The following THOC2 variants were observed in gnomAD, a reference collection of about 807,000 sequenced individuals.
THOC2 encodes the protein THO complex 2.
THOC2 carries 10 observed loss-of-function variants against 128.4 expected under a neutral mutation model. The ratio of observed to expected loss-of-function variants is 0.08; its 90% CI spans 0.05 to 0.13. The LOEUF (loss-of-function observed/expected upper bound fraction) is 0.13. Ranked by LOEUF, THOC2 falls within the 10% of genes least tolerant of loss-of-function variation. THOC2 has a pLI of 1.00. For missense variants in THOC2, 535 were observed against 1,155.7 expected, an observed-to-expected ratio of 0.46 and a Z score of 7.79; for synonymous variants, 393 against 396.9, an observed-to-expected ratio of 0.99 and a Z score of 0.12.
chrX:123,606,066 CT>C (rs2046456547), intron 38 of THOC2, among the ~76,000 whole-genome samples: 1 of 110,908 alleles, frequency 9.0e-6, no homozygotes, highest in Non-Finnish European at 1.9e-5. Flanking sequence ...TCAAGAAAAA[CT>C]GAAATTTGGA....
At chrX:123,630,570 G>A (rs930615977) in intron 22 of THOC2, among the ~76,000 whole-genome samples, 6 of 88,396 alleles carry the variant, frequency 6.8e-5, no homozygotes, top group Non-Finnish European at 1.0e-4. Flanking sequence ...CTGAGATTGC[G>A]CCACTGCACT....
chrX:123,611,342 A>C (rs1421900148), intron 37 of THOC2, 98 bp downstream of exon 37: 2 of 636,549 alleles, frequency 3.1e-6, no homozygotes, highest in Non-Finnish European at 4.8e-6. Context: ...TCAGCCCTTA[A>C]GCATATAAAC....
At chrX:123,703,430 G>A in intron 4 of THOC2, 24 bp downstream of exon 4, 1 of 1,052,647 alleles carries the variant, frequency 9.5e-7, no homozygotes, top group Non-Finnish European at 1.3e-6. Flanking sequence ...CACATTACAG[G>A]TGAAATAAAG....
At chrX:123,630,612 CAAAAAAAAAAAAAAA>C (rs57639724) in intron 22 of THOC2, among the ~76,000 whole-genome samples, 2 of 16,074 alleles carry the variant, frequency 1.2e-4, no homozygotes, top group Non-Finnish European at 2.7e-4. Flanking sequence ...GACTCCATCT[CAAAAAAAAAAAAAAA>C]AAAAAAAAAA....
In THOC2 at chrX:123,688,093, T is replaced by C. The variant is rs944566110; in HGVS notation, c.602-1379A>G. Reference sequence around the variant, plus strand: ...TTAAAATTTAAACTTATACCTACCATATGACCCAGCCTAGGTATTTACCCA... The same window carrying C: ...TTAAAATTTAAACTTATACCTACCACATGACCCAGCCTAGGTATTTACCCA... On this transcript the variant is annotated intron_variant, in intron 7 of 38. Coordinates refer to ENST00000245838, the MANE Select transcript of THOC2 (RefSeq NM_001081550.2). Among the ~76,000 whole-genome samples, 10 of 112,225 alleles carry C rather than the reference T, an allele frequency of 8.9e-5. 1 individual carries two copies. Among genetic ancestry groups the C allele is most frequent in the African/African-American group, 1.9e-4 (6 of 30,905 alleles).
intron 23 of THOC2, among the ~76,000 whole-genome samples, chrX:123,626,921 C>T (rs750469123): frequency 7.2e-5 from 8 of 111,373 alleles, no homozygotes; most frequent in Non-Finnish European, 1.3e-4. Context: ...TGACTCTTCC[C>T]TCTCCTTTAT....
chrX:123,662,369 G>A (rs113831408), intron 12 of THOC2, among the ~76,000 whole-genome samples: 1 of 110,200 alleles, frequency 9.1e-6, no homozygotes, highest in Non-Finnish European at 1.9e-5. Flanking sequence ...GGCAGATCAC[G>A]AGGTCAGGAG....
At chrX:123,619,606 G>A (rs2047012841) in intron 32 of THOC2, 170 bp from the exon 33 acceptor site, 1 of 448,151 alleles carries the variant, frequency 2.2e-6, no homozygotes, top group Non-Finnish European at 3.8e-6. Context: ...AACATGTAAT[G>A]GAATTGGAAT....
intron 20 of THOC2, among the ~76,000 whole-genome samples, chrX:123,633,610 G>T (rs2047564772): frequency 9.0e-6 from 1 of 110,843 alleles, no homozygotes; most frequent in Non-Finnish European, 1.9e-5. Flanking sequence ...TGCCATGTTG[G>T]CCAGGTTGGT....
chrX:123,716,755 G>A (rs1363443645), intron 1 of THOC2, among the ~76,000 whole-genome samples: 2 of 96,902 alleles, frequency 2.1e-5, no homozygotes, highest in Non-Finnish European at 4.0e-5. Flanking sequence ...AAAAGTAGCC[G>A]AGTGTGATGG....
intron 12 of THOC2, among the ~76,000 whole-genome samples, chrX:123,661,126 C>T (rs367704986): frequency 1.8e-5 from 2 of 112,491 alleles, no homozygotes; most frequent in Non-Finnish European, 1.9e-5. Flanking sequence ...GCCTCATGGC[C>T]GGGCACAGTG....
chrX:123,655,702 C>T, intron 12 of THOC2, among the ~76,000 whole-genome samples: 1 of 111,016 alleles, frequency 9.0e-6, no homozygotes. Flanking sequence ...TCATCTAATA[C>T]CCAGTCTGGG....
At chrX:123,616,382 T>G (rs768797358) in intron 33 of THOC2, among the ~76,000 whole-genome samples, 5 of 111,443 alleles carry the variant, frequency 4.5e-5, no homozygotes, top group Non-Finnish European at 9.5e-5. Context: ...TGGATTTGTA[T>G]GTAGCATCGC....
chrX:123,679,613 C>G (rs893135913), intron 8 of THOC2, among the ~76,000 whole-genome samples: 1 of 111,934 alleles, frequency 8.9e-6, no homozygotes, highest in Non-Finnish European at 1.9e-5. Context: ...CTCTTGAACA[C>G]CAGGTCCGTA....
At chrX:123,642,429 C>CA (rs746333788) in intron 15 of THOC2, among the ~76,000 whole-genome samples, 1,126 of 72,567 alleles carry the variant, frequency 0.016, 9 homozygotes, top group South Asian at 0.023. Context: ...CTCCATCTCC[C>CA]AAAAAAAAAA....
intron 1 of THOC2, among the ~76,000 whole-genome samples, chrX:123,730,358 A>G (rs1389448980): frequency 2.8e-5 from 3 of 108,598 alleles, no homozygotes; most frequent in Admixed American, 2.0e-4. Flanking sequence ...TTGTACTTTT[A>G]GTAGAGATGG....
At chrX:123,681,111 T>A (rs1004367920) in intron 8 of THOC2, among the ~76,000 whole-genome samples, 4 of 111,573 alleles carry the variant, frequency 3.6e-5, no homozygotes, top group Non-Finnish European at 7.5e-5. Context: ...GCCTTTCCAG[T>A]AGGAACCGTA....
At chrX:123,637,839 T>C (rs2047735142) in intron 18 of THOC2, among the ~76,000 whole-genome samples, 1 of 111,708 alleles carries the variant, frequency 9.0e-6, no homozygotes, top group African/African-American at 3.3e-5. Flanking sequence ...TCAATAATGG[T>C]CTCTTAAGTT....
intron 3 of THOC2, among the ~76,000 whole-genome samples, chrX:123,704,577 G>A (rs1044017228): frequency 9.0e-6 from 1 of 111,091 alleles, no homozygotes; most frequent in African/African-American, 3.3e-5. Context: ...ACCCAAAATC[G>A]GGCCAGGCAC....
Sources: allele counts gnomAD v4.1 joint callset (sites outside exome capture counted in the v4.1 genomes callset), GRCh38; gene constraint gnomAD v4.1.1; transcripts MANE v1.5; gene names NCBI Gene and HGNC (gene_info 2026-07-23, HGNC 2026-07-21).